PCDH15: variants seen among roughly 807,000 people sequenced by gnomAD.
The protein encoded by PCDH15 is protocadherin-15.
Under a neutral mutation model 178.5 loss-of-function variants are expected in PCDH15, and 129 were observed. The observed-to-expected ratio is 0.72, with a 90% CI of 0.63 to 0.84. The LOEUF (loss-of-function observed/expected upper bound fraction) is 0.84, where lower values mean the gene tolerates loss of function less well. Among genes scored for constraint, PCDH15 ranks in the 40% least tolerant of loss-of-function variants. PCDH15 has a pLI of 0.00. For synonymous variants in PCDH15, 800 were observed against 732.0 expected, an observed-to-expected ratio of 1.09 and a Z score of -1.50; for missense variants, 2,230 against 2,099.9, an observed-to-expected ratio of 1.06 and a Z score of -1.21.
chr10:54,851,850 G>A (rs1273328529), intron 3 of PCDH15, among the ~76,000 whole-genome samples: 3 of 152,070 alleles, frequency 2.0e-5, no homozygotes, highest in Non-Finnish European at 4.4e-5. Flanking sequence ...GATTACAAGT[G>A]TGAGCCACCA....
At chr10:55,135,594 T>C (rs1838172721) in intron 2 of PCDH15, among the ~76,000 whole-genome samples, 1 of 139,896 alleles carries the variant, frequency 7.1e-6, no homozygotes, top group Non-Finnish European at 1.5e-5. Context: ...TTTTTTTTTT[T>C]TTTTTTGAGA....
chr10:54,314,203 A>G (rs1173546576), intron 8 of PCDH15, among the ~76,000 whole-genome samples: 1 of 152,058 alleles, frequency 6.6e-6, no homozygotes, highest in Non-Finnish European at 1.5e-5. Context: ...GATGATTGAA[A>G]AAGATTATTA....
intron 2 of PCDH15, among the ~76,000 whole-genome samples, chr10:55,418,398 C>A (rs1838536485): frequency 6.6e-6 from 1 of 151,636 alleles, no homozygotes; most frequent in African/African-American, 2.4e-5. Flanking sequence ...GGAATACTGC[C>A]TTATGTGCGT....
intron 17 of PCDH15, 132 bp downstream of exon 17, chr10:54,079,199 G>A (rs931793289): frequency 3.2e-6 from 3 of 927,638 alleles, no homozygotes; most frequent in African/African-American, 3.2e-5. Flanking sequence ...GAAGAAAAGA[G>A]CAACACTTCT....
intron 2 of PCDH15, among the ~76,000 whole-genome samples, chr10:54,659,495 G>T (rs2094457609): frequency 6.6e-6 from 1 of 152,098 alleles, no homozygotes; most frequent in Non-Finnish European, 1.5e-5. Flanking sequence ...GCTCATGCTG[G>T]TAATCCTAGC....
chr10:55,373,468 C>G (rs1209288711), intron 2 of PCDH15, among the ~76,000 whole-genome samples: 1 of 151,890 alleles, frequency 6.6e-6, no homozygotes, highest in African/African-American at 2.4e-5. Flanking sequence ...CAAGTAATTA[C>G]TCTAGAAAAA....
intron 1 of PCDH15, among the ~76,000 whole-genome samples, chr10:54,727,104 G>A (rs1465403589): frequency 6.6e-6 from 1 of 151,214 alleles, no homozygotes; most frequent in African/African-American, 2.4e-5. Flanking sequence ...GAGCCTAACA[G>A]ATATCTATAG....
intron 2 of PCDH15, among the ~76,000 whole-genome samples, chr10:55,037,760 G>A (rs1370002205): frequency 6.6e-6 from 1 of 152,050 alleles, no homozygotes; most frequent in Non-Finnish European, 1.5e-5. Flanking sequence ...CTAATGATTT[G>A]TCTTACAGTT....
At chr10:54,058,530 C>G (rs1383927618) in intron 18 of PCDH15, among the ~76,000 whole-genome samples, 3 of 152,134 alleles carry the variant, frequency 2.0e-5, no homozygotes, top group Non-Finnish European at 4.4e-5. Context: ...AGTCACCTCC[C>G]ACCTGGTCCT....
At chr10:55,194,543 C>A (rs934166419) in intron 1 of PCDH15, among the ~76,000 whole-genome samples, 1 of 152,012 alleles carries the variant, frequency 6.6e-6, no homozygotes, top group Non-Finnish European at 1.5e-5. Context: ...GCTCCAAAAT[C>A]TGTGTTTTCA....
intron 2 of PCDH15, among the ~76,000 whole-genome samples, chr10:55,106,344 T>C (rs952744576): frequency 6.6e-6 from 1 of 152,198 alleles, no homozygotes; most frequent in Admixed American, 6.5e-5. Flanking sequence ...AAAAGGGAAA[T>C]GTTTTTGACA....
chr10:54,768,743 A>G (rs1442781446), intron 1 of PCDH15, among the ~76,000 whole-genome samples: 1 of 152,148 alleles, frequency 6.6e-6, no homozygotes, highest in Non-Finnish European at 1.5e-5. Context: ...CACATATAGC[A>G]TGAAACCCAA....
intron 2 of PCDH15, among the ~76,000 whole-genome samples, chr10:55,550,754 C>T (rs994770864): frequency 6.6e-6 from 1 of 151,994 alleles, no homozygotes; most frequent in Non-Finnish European, 1.5e-5. Context: ...AACAAAGAGG[C>T]TTAAAAGAAA....
intron 37 of PCDH15, chr10:53,808,410 A>G: frequency 8.9e-7 from 1 of 1,123,712 alleles, no homozygotes; most frequent in Non-Finnish European, 1.1e-6. Flanking sequence ...ACATTGCATT[A>G]ACAAAAATCC....
chr10:54,202,611 G>T (rs543149153), intron 10 of PCDH15, among the ~76,000 whole-genome samples: 2 of 151,898 alleles, frequency 1.3e-5, no homozygotes, highest in East Asian at 3.9e-4. Context: ...TCGGGAGTTC[G>T]AGACCAGCCT....
chr10:54,386,132 G>A (rs1353017918), intron 3 of PCDH15, among the ~76,000 whole-genome samples: 1 of 149,614 alleles, frequency 6.7e-6, no homozygotes, highest in Non-Finnish European at 1.5e-5. Context: ...GTGTGTGTGT[G>A]TGTGTGTGTG....
chr10:54,046,617 C>CA (rs33959286), intron 18 of PCDH15, among the ~76,000 whole-genome samples: 7 of 151,712 alleles, frequency 4.6e-5, no homozygotes, highest in South Asian at 2.1e-4. Context: ...AAATGTGCAA[C>CA]AAAAAAACCC....
chr10:53,924,672 C>A (rs1406711968), intron 25 of PCDH15, among the ~76,000 whole-genome samples: 6 of 152,176 alleles, frequency 3.9e-5, no homozygotes, highest in Admixed American at 3.3e-4. Context: ...AGAACCTTTA[C>A]GTTTAGCTAA....
At chr10:55,293,378 A>T (rs190353855) in intron 1 of PCDH15, among the ~76,000 whole-genome samples, 5 of 152,290 alleles carry the variant, frequency 3.3e-5, no homozygotes, top group Non-Finnish European at 4.4e-5. Context: ...TGCCTCAGGG[A>T]CATTTTCCCC....
Sources: allele counts gnomAD v4.1 joint callset (sites outside exome capture counted in the v4.1 genomes callset), GRCh38; gene constraint gnomAD v4.1.1; transcripts MANE v1.5; gene names NCBI Gene and HGNC (gene_info 2026-07-23, HGNC 2026-07-21).